NOS1AP: variants seen among roughly 807,000 people sequenced by gnomAD.
The protein encoded by NOS1AP is nitric oxide synthase 1 adaptor protein.
Under a neutral mutation model 56.2 loss-of-function variants are expected in NOS1AP, and 21 were observed. That is an observed-to-expected ratio of 0.37 (90% CI 0.26 to 0.54). The LOEUF is 0.54. Ranked by LOEUF, NOS1AP falls within the 20% of genes least tolerant of loss-of-function variation. The pLI, the probability that NOS1AP is intolerant of heterozygous loss-of-function variation, is 0.84. For synonymous variants in NOS1AP, 270 were observed against 274.6 expected, an observed-to-expected ratio of 0.98 and a Z score of 0.17; for missense variants, 522 against 657.8, an observed-to-expected ratio of 0.79 and a Z score of 2.26.
intron 4 of NOS1AP, among the ~76,000 whole-genome samples, chr1:162,306,785 A>G (rs961460716): frequency 6.6e-6 from 1 of 152,090 alleles, no homozygotes; most frequent in Non-Finnish European, 1.5e-5. Flanking sequence ...AATTATACAA[A>G]AATTAGCTGA....
At chr1:162,200,365 T>C (rs563190844) in intron 2 of NOS1AP, among the ~76,000 whole-genome samples, 38 of 152,340 alleles carry the variant, frequency 2.5e-4, no homozygotes, top group Admixed American at 2.4e-3. Flanking sequence ...AGCATCTCTC[T>C]TCACTTCCCA....
At chr1:162,254,063 A>G (rs116381835) in intron 2 of NOS1AP, among the ~76,000 whole-genome samples, 3,894 of 152,288 alleles carry the variant, frequency 0.026, 71 homozygotes, top group Non-Finnish European at 0.037. Context: ...GTACTTTAAG[A>G]ATCATTTTCT....
chr1:162,185,530 ATGTGAGGAGACTGC>A (rs1247750469), intron 2 of NOS1AP, among the ~76,000 whole-genome samples: 5 of 152,320 alleles, frequency 3.3e-5, no homozygotes, highest in African/African-American at 9.6e-5. Flanking sequence ...AAGGACTGGA[ATGTGAGGAGACTGC>A]TGAGTCAGCA....
At chr1:162,261,733 T>C (rs1654248335) in intron 2 of NOS1AP, among the ~76,000 whole-genome samples, 1 of 152,138 alleles carries the variant, frequency 6.6e-6, no homozygotes, top group Non-Finnish European at 1.5e-5. Context: ...ACTTCTGACC[T>C]CCAGAACTTT....
chr1:162,323,868 A>G (rs1287511567), intron 4 of NOS1AP, among the ~76,000 whole-genome samples: 1 of 152,226 alleles, frequency 6.6e-6, no homozygotes, highest in African/African-American at 2.4e-5. Context: ...AATTACAGGC[A>G]TCTCAGTGTA....
chr1:162,211,381 C>T (rs1652343809), intron 2 of NOS1AP, among the ~76,000 whole-genome samples: 1 of 152,272 alleles, frequency 6.6e-6, no homozygotes, highest in East Asian at 1.9e-4. Context: ...ACATCTCTCT[C>T]TCCCTCCCCT....
chr1:162,305,038 A>G (rs1334077388), intron 4 of NOS1AP, among the ~76,000 whole-genome samples: 1 of 152,142 alleles, frequency 6.6e-6, no homozygotes, highest in African/African-American at 2.4e-5. Flanking sequence ...AGACGAATGA[A>G]TTTTTAATTT....
intron 2 of NOS1AP, among the ~76,000 whole-genome samples, chr1:162,265,019 T>G (rs1468540730): frequency 6.6e-6 from 1 of 152,022 alleles, no homozygotes; most frequent in Non-Finnish European, 1.5e-5. Context: ...TTCACCATAT[T>G]GACCAGGCTG....
chr1:162,081,851 A>G (rs1022831289), intron 1 of NOS1AP, among the ~76,000 whole-genome samples: 2 of 145,706 alleles, frequency 1.4e-5, no homozygotes, highest in Non-Finnish European at 3.0e-5. Context: ...TGATCTGCCC[A>G]CCTCAGCCTC....
chr1:162,240,062 C>T (rs1653435850), intron 2 of NOS1AP, among the ~76,000 whole-genome samples: 1 of 152,168 alleles, frequency 6.6e-6, no homozygotes, highest in Non-Finnish European at 1.5e-5. Flanking sequence ...GGCACATTTA[C>T]CCACCTGCCA....
At chr1:162,217,716 A>G (rs931472294) in intron 2 of NOS1AP, among the ~76,000 whole-genome samples, 1 of 152,126 alleles carries the variant, frequency 6.6e-6, no homozygotes, top group South Asian at 2.1e-4. Context: ...TGTGACCATA[A>G]TTAAAACCAC....
chr1:162,359,173 C>T (rs1657804613), intron 8 of NOS1AP, among the ~76,000 whole-genome samples: 2 of 152,168 alleles, frequency 1.3e-5, no homozygotes, highest in Admixed American at 1.3e-4. Context: ...GCTGAGCACC[C>T]TTAGCCTCTC....
At chr1:162,159,465 G>A in intron 2 of NOS1AP, among the ~76,000 whole-genome samples, 1 of 152,060 alleles carries the variant, frequency 6.6e-6, no homozygotes, top group South Asian at 2.1e-4. Context: ...GCCTTCCTTT[G>A]GGTTTCAAAG....
intron 3 of NOS1AP, among the ~76,000 whole-genome samples, chr1:162,294,094 A>G (rs574694873): frequency 6.6e-6 from 1 of 152,086 alleles, no homozygotes; most frequent in Admixed American, 6.5e-5. Context: ...AGCATCTGAG[A>G]AAGGCTGGGA....
intron 2 of NOS1AP, among the ~76,000 whole-genome samples, chr1:162,282,879 A>T (rs1386989188): frequency 6.6e-6 from 1 of 152,180 alleles, no homozygotes; most frequent in Non-Finnish European, 1.5e-5. Flanking sequence ...GAGCACCTTG[A>T]CTCATAAGCA....
chr1:162,287,315 C>G, intron 2 of NOS1AP, 29 bp from the exon 3 acceptor site: 1 of 1,532,892 alleles, frequency 6.5e-7, no homozygotes, highest in South Asian at 1.1e-5. Context: ...TCAGATTGCA[C>G]TTTCTTTTTG....
intron 2 of NOS1AP, among the ~76,000 whole-genome samples, chr1:162,252,417 G>A (rs1653895229): frequency 6.6e-6 from 1 of 152,084 alleles, no homozygotes. Context: ...AAATTCCTTG[G>A]GCATGCACAG....
chr1:162,300,129 C>G (rs939668249), intron 3 of NOS1AP, among the ~76,000 whole-genome samples: 2 of 152,106 alleles, frequency 1.3e-5, no homozygotes, highest in Non-Finnish European at 2.9e-5. Flanking sequence ...GGAGGTTGAG[C>G]CTGAGAGGGT....
chr1:162,107,854 T>C (rs549806200), intron 1 of NOS1AP, among the ~76,000 whole-genome samples: 4 of 152,304 alleles, frequency 2.6e-5, no homozygotes, highest in African/African-American at 9.6e-5. Flanking sequence ...TGTTTTTAAA[T>C]TATCATTACT....
Sources: allele counts gnomAD v4.1 joint callset (sites outside exome capture counted in the v4.1 genomes callset), GRCh38; gene constraint gnomAD v4.1.1; transcripts MANE v1.5; gene names NCBI Gene and HGNC (gene_info 2026-07-23, HGNC 2026-07-21).